Variants in USH2A observed in about 807,000 individuals in gnomAD.
The protein encoded by USH2A is usherin, also known as Usher syndrome 2A (autosomal recessive, mild).
Under a neutral mutation model 538.9 loss-of-function variants are expected in USH2A, and 443 were observed. The ratio of observed to expected loss-of-function variants is 0.82; its 90% CI spans 0.76 to 0.89. USH2A has a LOEUF of 0.89. Ranked by LOEUF, USH2A falls within the 40% of genes least tolerant of loss-of-function variation. The pLI, the probability that USH2A is intolerant of heterozygous loss-of-function variation, is 0.00. For missense variants in USH2A, 6,633 were observed against 6,324.8 expected, an observed-to-expected ratio of 1.05 and a Z score of -1.65; for synonymous variants, 2,413 against 2,273.5, an observed-to-expected ratio of 1.06 and a Z score of -1.75.
At chr1:216,051,508 G>A (rs919047203) in intron 30 of USH2A, among the ~76,000 whole-genome samples, 6 of 152,196 alleles carry the variant, frequency 3.9e-5, no homozygotes, top group Non-Finnish European at 8.8e-5. Flanking sequence ...TAAATAAGAT[G>A]ACTTGCATGG....
rs144271748 is a variant in USH2A at position 215,766,016 on chromosome 1, G to T, written c.11047+665C>A. On this transcript the variant is annotated intron_variant, in intron 56 of 71. Transcript: ENST00000307340. ...GATGAAAATAGAACAGCTGTATCAT[G>T]GGAAATTAACAATTTAAATGTGATA... 8.1e-3 allele frequency among the ~76,000 whole-genome samples: 1,228 copies of T among 152,230 alleles called. 10 individuals carry two copies. Among genetic ancestry groups the T allele is most frequent in the Middle Eastern group, 0.037 (11 of 294 alleles).
chr1:215,728,461 T>C lies in USH2A; in HGVS notation c.11712-77A>G, dbSNP rs1399568213. On this transcript the variant is annotated intron_variant, in intron 60 of 71. Coordinates refer to ENST00000307340, the MANE Select transcript of USH2A (RefSeq NM_206933.4). ...AGTTTGTAGATGGAGTAAAAACATTTTTTTTAGAATTTGTTATCAACTTAA... is the reference window on the plus strand; with the variant it reads ...AGTTTGTAGATGGAGTAAAAACATTCTTTTTAGAATTTGTTATCAACTTAA... 2.9e-6 allele frequency: 4 copies of C among 1,383,994 alleles called. No individual in the cohort carries two copies. In the Admixed American group the frequency reaches 5.8e-5, roughly 20 times the overall value. The allele number at this position is 1,383,994 out of a possible 1,614,324, so 85.7% of individuals were successfully genotyped here. A position where few individuals can be genotyped will look rare whatever the true frequency, so the allele number is the denominator to read the frequency against.
At chr1:215,723,964 TA>T (rs1659735108) in intron 61 of USH2A, among the ~76,000 whole-genome samples, 1 of 152,134 alleles carries the variant, frequency 6.6e-6, no homozygotes, top group Non-Finnish European at 1.5e-5. Flanking sequence ...ATCATTATAT[TA>T]AAAAAGATAC....
At chr1:216,340,774 G>A (rs2038061966) in intron 4 of USH2A, among the ~76,000 whole-genome samples, 3 of 151,954 alleles carry the variant, frequency 2.0e-5, no homozygotes, top group African/African-American at 7.2e-5. Flanking sequence ...ATGTAGAAAA[G>A]GGCTTCAATA....
At chr1:215,934,490 C>T (rs1666440901) in intron 38 of USH2A, 126 bp downstream of exon 38, 2 of 965,656 alleles carry the variant, frequency 2.1e-6, no homozygotes, top group Non-Finnish European at 3.0e-6. Context: ...TTAAAAGAAC[C>T]AGAAATACAA....
chr1:216,093,150 A>G (rs901899742), intron 22 of USH2A, among the ~76,000 whole-genome samples: 2 of 152,208 alleles, frequency 1.3e-5, no homozygotes, highest in East Asian at 3.9e-4. Context: ...TTTTTAGTAG[A>G]AACGGGGTTT....
chr1:216,074,834 G>T (rs2031695291), intron 27 of USH2A, among the ~76,000 whole-genome samples: 1 of 152,142 alleles, frequency 6.6e-6, no homozygotes, highest in Non-Finnish European at 1.5e-5. Context: ...AGGGCAGCTT[G>T]GCAAACAAGT....
intron 35 of USH2A, among the ~76,000 whole-genome samples, chr1:215,975,157 A>G (rs1667591923): frequency 6.6e-6 from 1 of 151,838 alleles, no homozygotes; most frequent in Non-Finnish European, 1.5e-5. Flanking sequence ...CATGTCTTTT[A>G]CCCACTTTTT....
At chr1:215,787,798 C>G (rs1661844150) in intron 51 of USH2A, among the ~76,000 whole-genome samples, 2 of 152,060 alleles carry the variant, frequency 1.3e-5, no homozygotes, top group Admixed American at 1.3e-4. Context: ...AATCCCAACA[C>G]TTTGGGAGGC....
In USH2A at chr1:215,817,381, C is replaced by T. The variant is rs528167121; in HGVS notation, c.9372-186G>A. ...TAGCTTTTGGAAGAATAACACATGG[C>T]GTGAGGTGGTTTATTACTTTCAGTT... On this transcript the variant is annotated intron_variant, in intron 47 of 71. Coordinates refer to ENST00000307340, the MANE Select transcript of USH2A (RefSeq NM_206933.4). 2.9e-4 allele frequency among the ~76,000 whole-genome samples: 44 copies of T among 151,748 alleles called. 1 individual carries two copies. In the South Asian group the frequency reaches 8.5e-3, roughly 29 times the overall value.
intron 38 of USH2A, among the ~76,000 whole-genome samples, chr1:215,922,523 A>C (rs1253192395): frequency 6.6e-6 from 1 of 152,018 alleles, no homozygotes; most frequent in Non-Finnish European, 1.5e-5. Context: ...ATGAATATGG[A>C]ATAAAGTCAT....
intron 3 of USH2A, among the ~76,000 whole-genome samples, chr1:216,386,387 C>T (rs750074461): frequency 6.6e-6 from 1 of 151,064 alleles, no homozygotes; most frequent in Non-Finnish European, 1.5e-5. Context: ...GTCCAAGCTA[C>T]TCGGGAGGCT....
At chr1:216,396,170 A>G (rs187324351) in intron 3 of USH2A, among the ~76,000 whole-genome samples, 5 of 152,354 alleles carry the variant, frequency 3.3e-5, no homozygotes, top group Admixed American at 3.3e-4. Flanking sequence ...AAGATATACA[A>G]AAATGAGTCT....
rs1215130761 is a variant in USH2A, at chr1:215,999,644, G to A, written c.6486-586C>T. On this transcript the variant is annotated intron_variant, in intron 33 of 71. Coordinates refer to ENST00000307340, the MANE Select transcript of USH2A (RefSeq NM_206933.4). ...TTAGCAGTGGAAATGAGAAGGGCAAGTCATAGAACAGACAGGAAATTGTTA... is the reference window on the plus strand; with the variant it reads ...TTAGCAGTGGAAATGAGAAGGGCAAATCATAGAACAGACAGGAAATTGTTA... Among the ~76,000 whole-genome samples the A allele has an allele frequency of 6.6e-5, 10 of 152,162 alleles. No homozygotes were observed. The East Asian group carries it at 1.9e-3, about 29-fold the overall frequency.
intron 32 of USH2A, among the ~76,000 whole-genome samples, chr1:216,041,462 A>G (rs546005162): frequency 9.9e-5 from 15 of 152,082 alleles, no homozygotes; most frequent in Non-Finnish European, 1.8e-4. Flanking sequence ...TGTGCCCCCC[A>G]TGGCAGCAAG....
At chr1:216,369,926 A>T (rs111540004) in intron 3 of USH2A, among the ~76,000 whole-genome samples, 1 of 30,716 alleles carries the variant, frequency 3.3e-5, no homozygotes, top group African/African-American at 6.3e-5. Context: ...CTGCCAAAAA[A>T]AAAAAAAAAA....
intron 54 of USH2A, 81 bp downstream of exon 54, chr1:215,781,961 A>T: frequency 2.5e-6 from 4 of 1,590,280 alleles, no homozygotes; most frequent in Non-Finnish European, 2.6e-6. Context: ...TTCTTCAATG[A>T]AAAAAGCAGT....
At chr1:216,252,765 G>C (rs1011021997) in intron 11 of USH2A, among the ~76,000 whole-genome samples, 8 of 152,160 alleles carry the variant, frequency 5.3e-5, no homozygotes, top group Admixed American at 3.3e-4. Flanking sequence ...GTCTTATTCA[G>C]ATCTAGTCCA....
intron 50 of USH2A, among the ~76,000 whole-genome samples, chr1:215,794,223 A>C (rs1208981662): frequency 6.6e-6 from 1 of 152,236 alleles, no homozygotes; most frequent in Non-Finnish European, 1.5e-5. Flanking sequence ...CATATTGACA[A>C]AGACAACTGA....
Sources: allele counts gnomAD v4.1 joint callset (sites outside exome capture counted in the v4.1 genomes callset), GRCh38; gene constraint gnomAD v4.1.1; transcripts MANE v1.5; gene names NCBI Gene and HGNC (gene_info 2026-07-23, HGNC 2026-07-21).